Variants in GIPR observed in about 807,000 individuals in gnomAD.
GIPR encodes the protein gastric inhibitory polypeptide receptor, also known as GIP-R.
A neutral mutation model predicts 62.2 loss-of-function variants in GIPR; 74 were observed. That is an observed-to-expected ratio of 1.19 (90% CI 0.99 to 1.44). The LOEUF (loss-of-function observed/expected upper bound fraction) is 1.44. GIPR is among the 40% of genes most tolerant of loss of function. GIPR has a pLI of 0.00. For synonymous variants in GIPR, 256 were observed against 262.2 expected, an observed-to-expected ratio of 0.98 and a Z score of 0.23; for missense variants, 664 against 611.8, an observed-to-expected ratio of 1.09 and a Z score of -0.90.
chr19:45,674,639 C>T (rs768072891), intron 6 of GIPR, 43 bp from the exon 7 acceptor site: 1 of 1,599,598 alleles, frequency 6.3e-7, no homozygotes, highest in Non-Finnish European at 8.6e-7. Context: ...TGGCTGAGGA[C>T]AGCTCTCCAG....
At chr19:45,681,458 G>A in intron 12 of GIPR, 146 bp from the exon 13 acceptor site, 1 of 765,216 alleles carries the variant, frequency 1.3e-6, no homozygotes. Context: ...TCGTGCCACT[G>A]CACTCCCGCC....
chr19:45,674,782 C>CCTGG lies in GIPR; in HGVS notation c.591_594dup (p.Pro199TrpfsTer113), dbSNP rs1975744773. 1.2e-6 allele frequency: 2 copies of CCTGG among 1,613,900 alleles called. No homozygotes were observed. The highest frequency in any genetic ancestry group is 2.2e-5 in the East Asian group (1 of 44,872). ...CAGCCGAGACCGTCTGCTACCTCGA[C>CCTGG]CTGGCCCCTACCTTGGGGACCAGGC... On this transcript the variant is annotated frameshift_variant, in exon 7 of 14. Transcript: ENST00000590918. LOFTEE classifies it high-confidence loss of function.
chr19:45,679,444 T>C (rs1967116752), intron 12 of GIPR, among the ~76,000 whole-genome samples: 1 of 141,198 alleles, frequency 7.1e-6, no homozygotes, highest in South Asian at 2.3e-4. Flanking sequence ...ATCACGCCAC[T>C]GCACTCCAGC....
chr19:45,668,449 C>G (rs1975373310), intron 1 of GIPR, among the ~76,000 whole-genome samples, 151 bp downstream of exon 1: 1 of 152,200 alleles, frequency 6.6e-6, no homozygotes, highest in Admixed American at 6.6e-5. Flanking sequence ...CTTGATGTCT[C>G]TGTCTGCGTG....
intron 5 of GIPR, 96 bp downstream of exon 5, chr19:45,673,050 C>T: frequency 1.3e-6 from 1 of 769,046 alleles, no homozygotes; most frequent in Non-Finnish European, 2.4e-6. Context: ...CTGTTCAGAC[C>T]TCTGGGTTGT....
intron 3 of GIPR, 151 bp from the exon 4 acceptor site, chr19:45,671,134 C>A: frequency 1.5e-6 from 1 of 678,084 alleles, no homozygotes; most frequent in South Asian, 1.6e-5. Flanking sequence ...ACGGAACGCC[C>A]TCCGAGTGGG....
At chr19:45,677,577 G>T (rs956746183) in intron 9 of GIPR, 133 bp from the exon 10 acceptor site, 1 of 877,508 alleles carries the variant, frequency 1.1e-6, no homozygotes. Flanking sequence ...GTGGGGCCTG[G>T]ATCGTAATGG....
At chr19:45,670,421 T>G (rs764519407) in intron 2 of GIPR, 67 of 451,692 alleles carry the variant, frequency 1.5e-4, no homozygotes, top group Non-Finnish European at 2.1e-4. Flanking sequence ...TCCCCAATTT[T>G]CTTGAAGGTT....
chr19:45,677,298 G>A (rs559101732), intron 8 of GIPR, 25 bp from the exon 9 acceptor site: 31 of 1,474,624 alleles, frequency 2.1e-5, no homozygotes, highest in Non-Finnish European at 2.7e-5. Context: ...GGCGGGGTGG[G>A]GGGGCGGGGT....
intron 2 of GIPR, chr19:45,670,314 G>A (rs1357797073): frequency 3.8e-6 from 1 of 265,620 alleles, no homozygotes; most frequent in Non-Finnish European, 7.4e-6. Flanking sequence ...TTACAGGCGT[G>A]AGCCACCGCG....
At chr19:45,673,985 GA>G (rs1223614739) in intron 5 of GIPR, 88 bp from the exon 6 acceptor site, 10 of 821,562 alleles carry the variant, frequency 1.2e-5, no homozygotes, top group Non-Finnish European at 2.2e-5. Flanking sequence ...TATTTGGGCA[GA>G]AACAAAGAGC....
Position 45,682,591 on chromosome 19 carries a change from C to T in GIPR, c.*656C>T, listed in dbSNP as rs903433740. 1 of 149,100 alleles carries T rather than the reference C, an allele frequency of 6.7e-6. No homozygotes were observed. Among genetic ancestry groups the T allele is most frequent in the African/African-American group, 2.5e-5 (1 of 40,176 alleles). 9.2% of individuals were successfully genotyped at this position (149,100 alleles called of 1,614,324 possible). A position where few individuals can be genotyped will look rare whatever the true frequency, so the allele number is the denominator to read the frequency against. On this transcript the variant is annotated 3_prime_UTR_variant, in exon 14 of 14. Transcript: ENST00000590918. ...TTTTTTTTTTTTTTAAACGGAGTCT[C>T]ACTCTGTCACCCAGGCTGGAGTGCA...
At chr19:45,678,898 C>T (rs1205103668) in intron 12 of GIPR, among the ~76,000 whole-genome samples, 2 of 152,172 alleles carry the variant, frequency 1.3e-5, no homozygotes, top group African/African-American at 4.8e-5. Flanking sequence ...GAGGTGCCAA[C>T]GTGCAGAATC....
In GIPR at chr19:45,681,740, G is replaced by A. The variant is rs542715082; in HGVS notation, c.1206G>A (p.Glu402=). ...YCFINKEVQS[E]IRRGWHHCRL... ...CCATCGTCTCACAGGTGCAGTCGGA[G>A]ATCCGCCGTGGCTGGCACCACTGCC... Residue 402 remains glutamate, a synonymous_variant, in exon 14 of 14, where the codon GAG becomes GAA. Transcript: ENST00000590918. The A allele has an allele frequency of 1.5e-4, 234 of 1,610,184 alleles. No individual in the cohort carries two copies. The highest frequency in any genetic ancestry group is 6.2e-4 in the South Asian group (56 of 90,888).
rs1196133151 is a variant in GIPR, at chr19:45,679,322, A to C, written c.1152+1096A>C. Among the ~76,000 whole-genome samples the C allele has an allele frequency of 3.3e-5, 5 of 152,066 alleles. No individual in the cohort carries two copies. The South Asian group carries it at 1.0e-3, about 32-fold the overall frequency. On this transcript the variant is annotated intron_variant, in intron 12 of 13. Transcript: ENST00000590918. ...TGGTGAAACCCTGTCTCTACTAAAAAAATAGAAAAATTAGCTGGATGTGGT... is the reference window on the plus strand; with the variant it reads ...TGGTGAAACCCTGTCTCTACTAAAACAATAGAAAAATTAGCTGGATGTGGT...
intron 4 of GIPR, among the ~76,000 whole-genome samples, chr19:45,671,838 T>C (rs1340321462): frequency 6.6e-6 from 1 of 151,324 alleles, no homozygotes; most frequent in Non-Finnish European, 1.5e-5. Flanking sequence ...GCCAGGCTGG[T>C]CTCGAACTCC....
intron 4 of GIPR, chr19:45,672,495 C>T (rs1262523358): frequency 4.6e-5 from 15 of 329,516 alleles, no homozygotes; most frequent in African/African-American, 2.4e-4. Flanking sequence ...TTAGTAGAGA[C>T]AGGGTTTCAC....
intron 4 of GIPR, 79 bp from the exon 5 acceptor site, chr19:45,672,771 CT>C: frequency 1.2e-6 from 1 of 825,968 alleles, no homozygotes; most frequent in East Asian, 2.5e-5. Flanking sequence ...CTCTCCCTCT[CT>C]GTTATTGTCT....
Position 45,673,938 on chromosome 19 carries a change from C to T in GIPR, c.385-136C>T, listed in dbSNP as rs184650475. The T allele has an allele frequency of 5.1e-4, 386 of 750,856 alleles. 2 individuals carry two copies. The highest frequency in any genetic ancestry group is 4.9e-3 in the Middle Eastern group (14 of 2,846). The allele number at this position is 750,856 out of a possible 1,614,324, so 46.5% of individuals were successfully genotyped here. ...GCTGAAGGGTGGAGTCAGCCCTTCT[C>T]AAATAAGGGTAAGCAGTTCCCCAAG... is the stretch of plus-strand genomic sequence containing the variant. On this transcript the variant is annotated intron_variant, in intron 5 of 13. Transcript: ENST00000590918.
Sources: allele counts gnomAD v4.1 joint callset (sites outside exome capture counted in the v4.1 genomes callset), GRCh38; gene constraint gnomAD v4.1.1; transcripts MANE v1.5; gene names NCBI Gene and HGNC (gene_info 2026-07-23, HGNC 2026-07-21).